The following PDE10A variants were observed in gnomAD, a reference collection of about 807,000 sequenced individuals.
The protein encoded by PDE10A is cAMP and cAMP-inhibited cGMP 3',5'-cyclic phosphodiesterase 10A.
PDE10A carries 39 observed loss-of-function variants against 97.7 expected under a neutral mutation model. That is an observed-to-expected ratio of 0.40 (90% CI 0.31 to 0.52). PDE10A has a LOEUF of 0.52. Among genes scored for constraint, PDE10A ranks in the 20% least tolerant of loss-of-function variants. The pLI, the probability that PDE10A is intolerant of heterozygous loss-of-function variation, is 0.56. For synonymous variants in PDE10A, 371 were observed against 376.8 expected (o/e 0.98, Z 0.18); for missense variants, 731 against 1,047.8 (o/e 0.70, Z 4.17).
intron 1 of PDE10A, among the ~76,000 whole-genome samples, chr6:165,979,584 T>C (rs1784949676): frequency 6.6e-6 from 1 of 152,194 alleles, no homozygotes; most frequent in South Asian, 2.1e-4. Flanking sequence ...ACAAAAACAT[T>C]CATAATGTCA....
intron 1 of PDE10A, among the ~76,000 whole-genome samples, chr6:165,935,907 G>A (rs1432484456): frequency 6.6e-6 from 1 of 152,216 alleles, no homozygotes; most frequent in African/African-American, 2.4e-5. Context: ...GGACTTCCCA[G>A]CCTCCAGAAC....
intron 9 of PDE10A, among the ~76,000 whole-genome samples, chr6:165,429,802 AT>A (rs569774345): frequency 3.3e-5 from 5 of 152,046 alleles, no homozygotes; most frequent in African/African-American, 1.2e-4. Flanking sequence ...AGCCAAAGGG[AT>A]TTTTTCTAGG....
In PDE10A at chr6:165,683,804, A is replaced by G. The variant is rs1007904550; in HGVS notation, c.-614-140236T>C. 2.6e-5 allele frequency among the ~76,000 whole-genome samples: 4 copies of G among 152,156 alleles called. No homozygotes were observed. The South Asian group carries it at 6.2e-4, about 24-fold the overall frequency. ...ACGTCACCGATTGAAAATGTCACTC[A>G]TCAAGCTTTTCATTATGTTTCTGTT... is the stretch of plus-strand genomic sequence containing the variant. On this transcript the variant is annotated intron_variant, in intron 1 of 19. Coordinates refer to the PDE10A transcript ENST00000366882.
At position 165,332,235 on chromosome 6, in the gene PDE10A, ACTG is replaced by A. The variant is rs1329172471; in HGVS notation, c.*787_*789del. The A allele has an allele frequency of 6.6e-6, 1 of 152,200 alleles. No homozygotes were observed. The highest frequency in any genetic ancestry group is 1.5e-5 in the Non-Finnish European group (1 of 68,038). The allele number at this position is 152,200 out of a possible 1,614,324, so 9.4% of individuals were successfully genotyped here. ...TTCTTTATGCAAAGGGTTCAGTAAA[ACTG>A]CCAAGACAACAACAAAAACAATTTT... On this transcript the variant is annotated 3_prime_UTR_variant, in exon 22 of 22. Transcript: ENST00000539869.
chr6:165,383,766 CAAAA>C (rs1291200486), intron 17 of PDE10A, among the ~76,000 whole-genome samples: 4 of 151,944 alleles, frequency 2.6e-5, no homozygotes, highest in Non-Finnish European at 5.9e-5. Flanking sequence ...GTGTTAAAAA[CAAAA>C]AAACAAACAA....
At chr6:165,457,487 C>T (rs762282736) in intron 3 of PDE10A, among the ~76,000 whole-genome samples, 2 of 152,034 alleles carry the variant, frequency 1.3e-5, no homozygotes, top group African/African-American at 2.4e-5. Flanking sequence ...AAGACCTGAA[C>T]GATAGAACTG....
chr6:165,984,267 G>A (rs1345298529), intron 1 of PDE10A, among the ~76,000 whole-genome samples: 1 of 152,150 alleles, frequency 6.6e-6, no homozygotes, highest in African/African-American at 2.4e-5. Context: ...AATATCCTCT[G>A]TAGACTCTTA....
intron 1 of PDE10A, among the ~76,000 whole-genome samples, chr6:165,982,374 T>C (rs1010648174): frequency 1.3e-5 from 2 of 152,196 alleles, no homozygotes. Flanking sequence ...AAAACACTCA[T>C]GAGATTAATT....
Position 165,331,264 on chromosome 6 carries a change from CTCTTT to C in PDE10A, c.*1756_*1760del, listed in dbSNP as rs1387137664. ...TATCTAGCCACAGTGGTACTTCTCT[CTCTTT>C]TGTTATTACATTTTACCTCATAGTG... On this transcript the variant is annotated 3_prime_UTR_variant, in exon 22 of 22. Coordinates refer to ENST00000539869, the MANE Select transcript of PDE10A (RefSeq NM_001385079.1). 6.6e-6 allele frequency: 1 copy of C among 152,156 alleles called. No homozygotes were observed. Among genetic ancestry groups the C allele is most frequent in the Non-Finnish European group, 1.5e-5 (1 of 68,024 alleles). 9.4% of individuals were successfully genotyped at this position (152,156 alleles called of 1,614,324 possible).
At chr6:165,796,894 G>C (rs1213661998) in intron 1 of PDE10A, among the ~76,000 whole-genome samples, 2 of 151,988 alleles carry the variant, frequency 1.3e-5, no homozygotes, top group African/African-American at 4.8e-5. Context: ...TCCACTTTCT[G>C]GATTTACTGA....
intron 1 of PDE10A, among the ~76,000 whole-genome samples, chr6:165,822,787 C>A (rs999245297): frequency 1.3e-5 from 2 of 152,142 alleles, no homozygotes; most frequent in African/African-American, 4.8e-5. Flanking sequence ...TGAAATATTT[C>A]TTTCTTCAAT....
chr6:165,962,843 C>T (rs985871693), intron 1 of PDE10A, among the ~76,000 whole-genome samples: 2 of 152,200 alleles, frequency 1.3e-5, no homozygotes, highest in African/African-American at 2.4e-5. Context: ...CTGCTTTTGG[C>T]CAGACCTCTG....
At chr6:165,394,105 A>G (rs571448726) in intron 15 of PDE10A, among the ~76,000 whole-genome samples, 14 of 152,184 alleles carry the variant, frequency 9.2e-5, no homozygotes, top group African/African-American at 3.4e-4. Flanking sequence ...TCTGGGGTCC[A>G]CGTGCAGAAC....
chr6:165,619,239 G>C lies in PDE10A; in HGVS notation c.865+42708C>G, dbSNP rs1482599429. ...GTAGACTAGTGTAGTGTAGACTAGT[G>C]TGGTGTAGTGTAGTCTAGTGTAGTG... On this transcript the variant is annotated intron_variant, in intron 1 of 21. Coordinates refer to ENST00000539869, the MANE Select transcript of PDE10A (RefSeq NM_001385079.1). Among the ~76,000 whole-genome samples, 474 of 111,132 alleles carry C rather than the reference G, an allele frequency of 4.3e-3. 17 individuals carry two copies. The highest frequency in any genetic ancestry group is 0.019 in the African/African-American group (446 of 23,056). 72.9% of individuals were successfully genotyped at this position (111,132 alleles called of 152,430 possible).
In PDE10A at chr6:165,663,164, C is replaced by A. The variant is rs1562670703; in HGVS notation, c.-353G>T. 6.6e-6 allele frequency among the ~76,000 whole-genome samples: 1 copy of A among 151,900 alleles called. No individual in the cohort carries two copies. Among genetic ancestry groups the A allele is most frequent in the Non-Finnish European group, 1.5e-5 (1 of 67,934 alleles). On this transcript the variant is annotated 5_prime_UTR_variant, in exon 1 of 22. Transcript: ENST00000539869. Reference sequence around the variant, plus strand: ...CGGCGGCTGAGCCTCGGCGGCTTCTCGAAAGCAGCGGAGAAAAGCGCCGCA... The same window carrying A: ...CGGCGGCTGAGCCTCGGCGGCTTCTAGAAAGCAGCGGAGAAAAGCGCCGCA...
chr6:165,427,436 G>A (rs575842012), intron 10 of PDE10A, among the ~76,000 whole-genome samples: 8 of 152,192 alleles, frequency 5.3e-5, no homozygotes, highest in East Asian at 1.9e-4. Context: ...GAGAAAGAAC[G>A]TAGACAATGA....
At chr6:165,763,853 T>C (rs994180086) in intron 1 of PDE10A, among the ~76,000 whole-genome samples, 1 of 152,266 alleles carries the variant, frequency 6.6e-6, no homozygotes, top group Admixed American at 6.5e-5. Context: ...CTACCTCGTA[T>C]TGAATGCTTA....
At chr6:165,404,932 G>A (rs1052138400) in intron 13 of PDE10A, among the ~76,000 whole-genome samples, 6 of 152,072 alleles carry the variant, frequency 3.9e-5, no homozygotes, top group African/African-American at 1.2e-4. Context: ...TGACCTAATC[G>A]TGGGTGGAAG....
At chr6:165,501,766 A>C (rs977964072) in intron 2 of PDE10A, among the ~76,000 whole-genome samples, 6 of 152,294 alleles carry the variant, frequency 3.9e-5, no homozygotes, top group African/African-American at 1.2e-4. Flanking sequence ...GCAATTCAAA[A>C]TCTCAACGGC....
Sources: allele counts gnomAD v4.1 joint callset (sites outside exome capture counted in the v4.1 genomes callset), GRCh38; gene constraint gnomAD v4.1.1; transcripts MANE v1.5; gene names NCBI Gene and HGNC (gene_info 2026-07-23, HGNC 2026-07-21).